Variants in SNRPN observed in about 807,000 individuals in gnomAD.
The protein encoded by SNRPN is small nuclear ribonucleoprotein polypeptide N, also known as small nuclear ribonucleoprotein-associated protein N.
A neutral mutation model predicts 25.2 loss-of-function variants in SNRPN; 7 were observed. The ratio of observed to expected loss-of-function variants is 0.28; its 90% CI spans 0.16 to 0.52. SNRPN has a LOEUF of 0.52. Ranked by LOEUF, SNRPN falls within the 20% of genes least tolerant of loss-of-function variation. The pLI is 0.96. For synonymous variants in SNRPN, 124 were observed against 110.6 expected (o/e 1.12, Z -0.76); for missense variants, 196 against 322.5 (o/e 0.61, Z 3.00).
At chr15:24,891,413 G>A (rs890869361) in intron 2 of SNRPN, among the ~76,000 whole-genome samples, 3 of 151,290 alleles carry the variant, frequency 2.0e-5, no homozygotes, top group African/African-American at 7.3e-5. Context: ...AATTAATTTG[G>A]TAGTATCATT....
chr15:24,923,201 C>T lies in SNRPN; in HGVS notation c.-391+3077C>T, dbSNP rs535531799. On this transcript the variant is annotated intron_variant, in intron 3 of 11. Transcript: ENST00000400097. Reference sequence around the variant, plus strand: ...GATTACAGGTGTGAGACACCATGCGCGGCTGCAGATCCCTTCTATACCTGA... The same window carrying T: ...GATTACAGGTGTGAGACACCATGCGTGGCTGCAGATCCCTTCTATACCTGA... Among the ~76,000 whole-genome samples the T allele has an allele frequency of 5.6e-4, 86 of 152,214 alleles. 1 individual carries two copies. The South Asian group carries it at 9.7e-3, about 17-fold the overall frequency.
upstream of SNRPN, among the ~76,000 whole-genome samples, chr15:24,950,434 T>C (rs926737419): frequency 1.4e-4 from 21 of 151,474 alleles, no homozygotes; most frequent in African/African-American, 4.1e-4. Flanking sequence ...CTCAGCCTCC[T>C]AAAGTGCTGG....
At chr15:24,824,177 A>G (rs2049918056) in intron 1 of SNRPN, among the ~76,000 whole-genome samples, 1 of 152,106 alleles carries the variant, frequency 6.6e-6, no homozygotes, top group African/African-American at 2.4e-5. Flanking sequence ...GAGCCACAGG[A>G]CAAAATTTAC....
chr15:24,878,775 A>G (rs1418074041), intron 1 of SNRPN, among the ~76,000 whole-genome samples: 1 of 152,120 alleles, frequency 6.6e-6, no homozygotes, highest in Non-Finnish European at 1.5e-5. Context: ...GAAAAAAACG[A>G]AATCCTTTTC....
At chr15:24,956,356 G>GGGGT (rs975599510) in intron 1 of SNRPN, among the ~76,000 whole-genome samples, 21 of 149,642 alleles carry the variant, frequency 1.4e-4, no homozygotes, top group Non-Finnish European at 1.0e-4. Flanking sequence ...CGCTTCAGCG[G>GGGGT]GGGGGTGGCC....
At chr15:24,827,281 G>A (rs187455756) in intron 1 of SNRPN, among the ~76,000 whole-genome samples, 2,739 of 151,868 alleles carry the variant, frequency 0.018, 105 homozygotes, top group African/African-American at 0.063. Context: ...TTGGGAGGCC[G>A]AGGCAGGCGG....
intron 4 of SNRPN, 116 bp downstream of exon 4, chr15:24,974,572 G>T: frequency 1.0e-6 from 1 of 952,902 alleles, no homozygotes; most frequent in South Asian, 1.3e-5. Context: ...ATACATCCAT[G>T]GATATGGATT....
intron 3 of SNRPN, among the ~76,000 whole-genome samples, chr15:24,947,173 G>T (rs1006392444): frequency 6.6e-6 from 1 of 152,142 alleles, no homozygotes; most frequent in Non-Finnish European, 1.5e-5. Context: ...AAATATTTTA[G>T]TGTGTATAAT....
At position 24,975,448 on chromosome 15, in the gene SNRPN, A is replaced by C; in HGVS notation, c.94A>C (p.Lys32Gln). The part of the protein sequence containing the change: ...QDGRIFIGTF[K>Q]AFDKHMNLIL... ...TGGCCGAATCTTCATTGGCACCTTT[A>C]AGGCTTTTGACAAGCATATGAATTT... Residue 32 changes from lysine to glutamine, a missense_variant, in exon 5 of 10, where the codon AAG becomes CAG. Lys to Gln is a moderately conservative substitution (Grantham distance 53). Transcript: ENST00000390687. The C allele has an allele frequency of 6.2e-7, 1 of 1,613,590 alleles. No individual in the cohort carries two copies. The highest frequency in any genetic ancestry group is 8.5e-7 in the Non-Finnish European group (1 of 1,179,502).
chr15:24,889,857 C>CT (rs1300924521), intron 2 of SNRPN, among the ~76,000 whole-genome samples: 2 of 151,574 alleles, frequency 1.3e-5, no homozygotes, highest in African/African-American at 4.8e-5. Flanking sequence ...TGAAACCAGC[C>CT]TGGCCAACAT....
At chr15:24,869,776 C>T (rs1009211359) in intron 1 of SNRPN, among the ~76,000 whole-genome samples, 3 of 152,152 alleles carry the variant, frequency 2.0e-5, no homozygotes, top group African/African-American at 7.2e-5. Flanking sequence ...TCCACTTTCC[C>T]TGTTTCACTT....
rs918733635 is a variant in SNRPN, at chr15:24,968,098, G to A, written c.-144+16G>A. Reference sequence around the variant, plus strand: ...CAAAAACCAGGTTAGAGCTAATGCAGCAATGATCAAGAATAAAGAATCATT... The same window carrying A: ...CAAAAACCAGGTTAGAGCTAATGCAACAATGATCAAGAATAAAGAATCATT... On this transcript the variant is annotated intron_variant, in intron 3 of 9. Coordinates refer to ENST00000390687, the MANE Select transcript of SNRPN (RefSeq NM_003097.6). 5 of 1,369,980 alleles carry A rather than the reference G, an allele frequency of 3.6e-6. No individual in the cohort carries two copies. The highest frequency in any genetic ancestry group is 1.4e-5 in the African/African-American group (1 of 69,994). 84.9% of individuals were successfully genotyped at this position (1,369,980 alleles called of 1,614,324 possible).
At chr15:24,907,734 C>A (rs2058921948) in intron 2 of SNRPN, among the ~76,000 whole-genome samples, 1 of 151,986 alleles carries the variant, frequency 6.6e-6, no homozygotes, top group Non-Finnish European at 1.5e-5. Flanking sequence ...GCATAAGCCA[C>A]CACGCCTGGC....
intron 2 of SNRPN, among the ~76,000 whole-genome samples, chr15:24,911,670 C>T (rs1284680435): frequency 1.3e-5 from 2 of 152,222 alleles, no homozygotes; most frequent in Non-Finnish European, 2.9e-5. Context: ...GAAGGCATGG[C>T]TTTCTCCACC....
upstream of SNRPN, among the ~76,000 whole-genome samples, chr15:24,953,000 A>G (rs1031462470): frequency 1.2e-4 from 18 of 152,224 alleles, no homozygotes; most frequent in Non-Finnish European, 1.9e-4. Context: ...TCCTAGAAGA[A>G]GTAGTACTCT....
intron 2 of SNRPN, among the ~76,000 whole-genome samples, chr15:24,834,751 C>CTCTCTCTATATATATATATATATGTATA: frequency 3.3e-5 from 2 of 60,956 alleles, no homozygotes; most frequent in African/African-American, 1.2e-4. Flanking sequence ...CTCTCTCTCT[C>CTCTCTCTATATATATATATATATGTATA]TATATATATA....
intron 1 of SNRPN, among the ~76,000 whole-genome samples, chr15:24,877,646 G>A (rs1419120417): frequency 6.8e-6 from 1 of 147,368 alleles, no homozygotes; most frequent in Non-Finnish European, 1.5e-5. Context: ...CCAATATGGT[G>A]AAACATCTCT....
At chr15:24,923,669 A>G (rs912810852) in intron 3 of SNRPN, among the ~76,000 whole-genome samples, 2 of 152,136 alleles carry the variant, frequency 1.3e-5, no homozygotes, top group Non-Finnish European at 2.9e-5. Context: ...ACCTTGATGA[A>G]TTTTATAAAC....
chr15:24,914,521 G>A lies in SNRPN; in HGVS notation c.-504-5490G>A, dbSNP rs141485150. Reference sequence around the variant, plus strand: ...GAGACCAGTCTGGGCAACATAGCGGGATAGTGAGATCCTCTCCACACACAA... The same window carrying A: ...GAGACCAGTCTGGGCAACATAGCGGAATAGTGAGATCCTCTCCACACACAA... On this transcript the variant is annotated intron_variant, in intron 2 of 11. Coordinates refer to the SNRPN transcript ENST00000400097. Among the ~76,000 whole-genome samples, 544 of 152,060 alleles carry A rather than the reference G, an allele frequency of 3.6e-3. 5 individuals are homozygous for A. Among genetic ancestry groups the A allele is most frequent in the African/African-American group, 0.013 (527 of 41,462 alleles).
Sources: allele counts gnomAD v4.1 joint callset (sites outside exome capture counted in the v4.1 genomes callset), GRCh38; gene constraint gnomAD v4.1.1; transcripts MANE v1.5; gene names NCBI Gene and HGNC (gene_info 2026-07-23, HGNC 2026-07-21).